METTL25: variants seen among roughly 807,000 people sequenced by gnomAD.
The protein encoded by METTL25 is probable methyltransferase-like protein 25.
In METTL25, 64 loss-of-function variants were observed where a neutral mutation model predicts 71.6. That is an observed-to-expected ratio of 0.89 (90% CI 0.73 to 1.10). The LOEUF (loss-of-function observed/expected upper bound fraction) is 1.10, where lower values mean the gene tolerates loss of function less well. Among genes scored for constraint, METTL25 ranks in the 50% least tolerant of loss-of-function variants. The pLI is 0.00. For synonymous variants in METTL25, 287 were observed against 250.3 expected (o/e 1.15, Z -1.38); for missense variants, 807 against 707.0 (o/e 1.14, Z -1.60).
At chr12:82,439,601 T>C (rs1400914935) in intron 8 of METTL25, among the ~76,000 whole-genome samples, 1 of 151,862 alleles carries the variant, frequency 6.6e-6, no homozygotes, top group African/African-American at 2.4e-5. Flanking sequence ...TAGAAGTTAC[T>C]ACATACAAGT....
rs1892901980 is a variant in METTL25, at chr12:82,476,710, T to TTTAA, written c.1641_1644dup (p.Met549Ter). On this transcript the variant is annotated frameshift_variant, in exon 10 of 12. Coordinates refer to ENST00000248306, the MANE Select transcript of METTL25 (RefSeq NM_032230.3). LOFTEE classifies it high-confidence loss of function. ...GCCTCGAATGAATGAGCTGGAAGCT[T>TTTAA]TTAATATGGTAAATCTCAGAGTTAA... The TTTAA allele has an allele frequency of 2.5e-6, 4 of 1,586,836 alleles. No homozygotes were observed. The African/African-American group carries it at 5.4e-5, about 22-fold the overall frequency.
At chr12:82,444,278 T>C (rs929800974) in intron 8 of METTL25, among the ~76,000 whole-genome samples, 4 of 152,120 alleles carry the variant, frequency 2.6e-5, no homozygotes, top group African/African-American at 9.7e-5. Context: ...CCAAAGTAAC[T>C]GTCAACCGAT....
chr12:82,364,297 T>C (rs1043920654), intron 1 of METTL25, among the ~76,000 whole-genome samples: 2 of 152,264 alleles, frequency 1.3e-5, no homozygotes, highest in Non-Finnish European at 2.9e-5. Flanking sequence ...TTCGCATAGG[T>C]GGCCATAATA....
chr12:82,438,838 TA>T, intron 8 of METTL25, 47 bp downstream of exon 8: 1 of 1,444,142 alleles, frequency 6.9e-7, no homozygotes, highest in Non-Finnish European at 9.2e-7. Context: ...ATATTGTAAG[TA>T]AAGTGACTTT....
At chr12:82,414,643 G>C (rs930943497) in intron 5 of METTL25, among the ~76,000 whole-genome samples, 3 of 152,110 alleles carry the variant, frequency 2.0e-5, no homozygotes, top group Non-Finnish European at 4.4e-5. Context: ...AAGAGGAAGA[G>C]TTTATACTTT....
chr12:82,372,486 C>T (rs1372990841), intron 1 of METTL25, among the ~76,000 whole-genome samples: 1 of 152,162 alleles, frequency 6.6e-6, no homozygotes, highest in Admixed American at 6.5e-5. Context: ...GTTGTGTATT[C>T]TCCTTCAATG....
chr12:82,428,146 A>G (rs1268709984), intron 5 of METTL25, among the ~76,000 whole-genome samples: 2 of 151,796 alleles, frequency 1.3e-5, no homozygotes, highest in African/African-American at 4.8e-5. Context: ...ATACCCCCCC[A>G]TCCCTTTTAA....
chr12:82,451,240 C>T, intron 8 of METTL25: 1 of 941,378 alleles, frequency 1.1e-6, no homozygotes, highest in Non-Finnish European at 1.3e-6. Flanking sequence ...CAGTATCCTC[C>T]TCTTTAAGAC....
intron 8 of METTL25, among the ~76,000 whole-genome samples, chr12:82,450,688 C>A (rs1030629864): frequency 1.3e-5 from 2 of 152,102 alleles, no homozygotes; most frequent in African/African-American, 4.8e-5. Context: ...TCTCTGACCT[C>A]ATTTCTACTC....
At chr12:82,389,470 C>A (rs1885368658) in intron 2 of METTL25, among the ~76,000 whole-genome samples, 1 of 151,926 alleles carries the variant, frequency 6.6e-6, no homozygotes, top group Admixed American at 6.6e-5. Context: ...GATACAAATT[C>A]TCTGTAGATA....
intron 5 of METTL25, among the ~76,000 whole-genome samples, chr12:82,408,923 A>G (rs1402130336): frequency 6.6e-6 from 1 of 152,096 alleles, no homozygotes; most frequent in Non-Finnish European, 1.5e-5. Flanking sequence ...CCTTCTCTTA[A>G]TATCTTACAC....
chr12:82,414,061 T>C (rs1029067816), intron 5 of METTL25, among the ~76,000 whole-genome samples: 1 of 152,082 alleles, frequency 6.6e-6, no homozygotes, highest in Non-Finnish European at 1.5e-5. Context: ...AGTGAGGAAC[T>C]ATCAGGATCT....
chr12:82,393,689 T>G (rs1217787428), intron 3 of METTL25, among the ~76,000 whole-genome samples: 1 of 152,084 alleles, frequency 6.6e-6, no homozygotes, highest in African/African-American at 2.4e-5. Context: ...GGCATTCTTG[T>G]CCTGTTCCAG....
chr12:82,474,263 C>G (rs2137312750), intron 9 of METTL25, among the ~76,000 whole-genome samples: 1 of 152,284 alleles, frequency 6.6e-6, no homozygotes, highest in Admixed American at 6.5e-5. Context: ...CTCATCCAAT[C>G]AGAGAAGATG....
intron 5 of METTL25, among the ~76,000 whole-genome samples, chr12:82,420,815 A>C (rs1482280569): frequency 6.6e-6 from 1 of 151,992 alleles, no homozygotes; most frequent in Non-Finnish European, 1.5e-5. Flanking sequence ...AAGGAGAAGA[A>C]GGATTTTTTA....
chr12:82,476,749 G>A, intron 10 of METTL25, 31 bp downstream of exon 10: 1 of 1,418,036 alleles, frequency 7.1e-7, no homozygotes, highest in Non-Finnish European at 9.7e-7. Context: ...TATTAAATTG[G>A]ATATGTTGCT....
intron 5 of METTL25, among the ~76,000 whole-genome samples, chr12:82,413,804 A>T (rs2137069966): frequency 6.6e-6 from 1 of 152,030 alleles, no homozygotes; most frequent in Admixed American, 6.6e-5. Flanking sequence ...ATAAATAAAT[A>T]ATAAATAATA....
At chr12:82,425,331 A>G (rs1888925970) in intron 5 of METTL25, among the ~76,000 whole-genome samples, 1 of 152,036 alleles carries the variant, frequency 6.6e-6, no homozygotes, top group Admixed American at 6.6e-5. Flanking sequence ...CAGGCATTTG[A>G]GTTTTTGAGC....
intron 5 of METTL25, among the ~76,000 whole-genome samples, chr12:82,416,528 C>T (rs953035261): frequency 1.1e-4 from 16 of 148,896 alleles, no homozygotes; most frequent in Admixed American, 3.4e-4. Flanking sequence ...ACTGTAGCCT[C>T]GACCTGGGTT....
Sources: gnomAD v4.1 joint callset for allele counts (sites outside exome capture counted in the v4.1 genomes callset) on GRCh38, gnomAD v4.1.1 for gene constraint, MANE v1.5 for transcripts, NCBI Gene and HGNC (gene_info 2026-07-23, HGNC 2026-07-21) for gene names.